CLCC1: variants seen among roughly 807,000 people sequenced by gnomAD.
The protein encoded by CLCC1 is chloride channel CLIC like 1, also known as chloride channel CLIC-like protein 1.
A neutral mutation model predicts 63.3 loss-of-function variants in CLCC1; 39 were observed. The observed-to-expected ratio is 0.62, with a 90% CI of 0.48 to 0.81. CLCC1 has a LOEUF of 0.81. CLCC1 is among the 30% of genes least tolerant of loss of function. CLCC1 has a pLI of 0.00. For synonymous variants in CLCC1, 217 were observed against 239.8 expected (o/e 0.90, Z 0.88); for missense variants, 549 against 669.4 (o/e 0.82, Z 1.98).
Position 108,949,828 on chromosome 1 carries a change from T to C in CLCC1, c.223A>G (p.Thr75Ala). The change falls in exon 4 of 13, where the codon ACT becomes GCT. Residue 75 changes from threonine (T) to alanine (A), a missense_variant. Physicochemically the swap from Thr to Ala is moderately conservative, Grantham distance 58 (BLOSUM62 0). Transcript: ENST00000369969. Reference sequence around the variant, plus strand: ...TCAATAAAAAAACTAACCTTATAAGTTAAAGAATCAAGTTTGTGATAACAT... The same window carrying C: ...TCAATAAAAAAACTAACCTTATAAGCTAAAGAATCAAGTTTGTGATAACAT... ...SECYHKLDSL[T>A]YKIDECEKKK... is the part of the protein sequence containing the mutation. 3 of 1,557,402 alleles carry C rather than the reference T, an allele frequency of 1.9e-6. No individual in the cohort carries two copies. The highest frequency in any genetic ancestry group is 2.6e-6 in the Non-Finnish European group (3 of 1,147,982).
At position 108,930,095 on chromosome 1, in the gene CLCC1, A is replaced by C; in HGVS notation, c.*2452T>G. The stretch of plus-strand genomic sequence containing the variant: ...CCTTCAGTAGTCTATTAAGGCATTA[A>C]TACTTCTCTGGACATGCGCGTTTGA... On this transcript the variant is annotated 3_prime_UTR_variant, in exon 13 of 13. Transcript: ENST00000369969. The C allele has an allele frequency of 1.4e-6, 1 of 717,268 alleles. No individual in the cohort carries two copies. The allele number at this position is 717,268 out of a possible 1,614,324, so 44.4% of individuals were successfully genotyped here.
At chr1:108,941,240 A>C (rs1353372287) in intron 8 of CLCC1, among the ~76,000 whole-genome samples, 165 bp downstream of exon 8, 1 of 152,242 alleles carries the variant, frequency 6.6e-6, no homozygotes, top group Admixed American at 6.5e-5. Context: ...TTAGATGAGC[A>C]TAAAAAGTCA....
At chr1:108,962,760 A>C (rs1204684545) in intron 1 of CLCC1, among the ~76,000 whole-genome samples, 1 of 151,500 alleles carries the variant, frequency 6.6e-6, no homozygotes, top group Non-Finnish European at 1.5e-5. Context: ...GGTCCCATCT[A>C]CTCAGGTGGC....
intron 11 of CLCC1, among the ~76,000 whole-genome samples, chr1:108,936,241 T>C (rs533431148): frequency 1.2e-3 from 183 of 152,224 alleles, no homozygotes; most frequent in Non-Finnish European, 2.1e-3. Flanking sequence ...TACAGGTGCA[T>C]ACCACATCAC....
intron 2 of CLCC1, among the ~76,000 whole-genome samples, chr1:108,958,061 T>C (rs1225893102): frequency 6.6e-6 from 1 of 151,352 alleles, no homozygotes; most frequent in Non-Finnish European, 1.5e-5. Context: ...ATATGTTGAA[T>C]GCCGCTAAGA....
chr1:108,931,536 A>T lies in CLCC1; in HGVS notation c.*1011T>A. 1 of 1,512,938 alleles carries T rather than the reference A, an allele frequency of 6.6e-7. No homozygotes were observed. The highest frequency in any genetic ancestry group is 8.9e-7 in the Non-Finnish European group (1 of 1,125,620). The allele number at this position is 1,512,938 out of a possible 1,614,324, so 93.7% of individuals were successfully genotyped here. ...CCCCTATTCTTTCAAAAAGTCATTCAGGTGATTTGGATGGGCAAATAGAAC... is the reference window on the plus strand; with the variant it reads ...CCCCTATTCTTTCAAAAAGTCATTCTGGTGATTTGGATGGGCAAATAGAAC... On this transcript the variant is annotated 3_prime_UTR_variant, in exon 13 of 13. Coordinates refer to ENST00000369969, the MANE Select transcript of CLCC1 (RefSeq NM_001377458.1).
chr1:108,929,651 G>A lies in CLCC1; in HGVS notation c.*2896C>T. ...TGACTGAGAGATTTAACATAGCTTG[G>A]TGCTTTCTTTCCCACAGTATGTCTT... On this transcript the variant is annotated 3_prime_UTR_variant, in exon 13 of 13. Transcript: ENST00000369969. The A allele has an allele frequency of 1.9e-6, 3 of 1,581,118 alleles. No homozygotes were observed. Among genetic ancestry groups the A allele is most frequent in the Non-Finnish European group, 2.6e-6 (3 of 1,150,484 alleles).
intron 7 of CLCC1, among the ~76,000 whole-genome samples, chr1:108,942,131 A>T (rs910103042): frequency 6.6e-6 from 1 of 152,102 alleles, no homozygotes; most frequent in Non-Finnish European, 1.5e-5. Flanking sequence ...AGTCCCAGAT[A>T]GGAGGCTGAG....
chr1:108,941,524 G>C (rs370900321), intron 7 of CLCC1, 26 bp from the exon 8 acceptor site: 1 of 1,602,010 alleles, frequency 6.2e-7, no homozygotes, highest in Non-Finnish European at 8.5e-7. Context: ...AGGGAACCAG[G>C]AGAGGCCGTT....
intron 5 of CLCC1, among the ~76,000 whole-genome samples, chr1:108,947,157 C>G (rs543574134): frequency 6.6e-6 from 1 of 151,696 alleles, no homozygotes; most frequent in East Asian, 1.9e-4. Flanking sequence ...GAGCGAGACT[C>G]TGTCTCAAAA....
intron 2 of CLCC1, among the ~76,000 whole-genome samples, chr1:108,957,175 C>A (rs1054144618): frequency 1.3e-5 from 2 of 151,472 alleles, no homozygotes; most frequent in Admixed American, 6.6e-5. Flanking sequence ...TGTAGGTAGA[C>A]CCTACTACAT....
intron 2 of CLCC1, among the ~76,000 whole-genome samples, 196 bp from the exon 3 acceptor site, chr1:108,950,644 G>T (rs1055721507): frequency 6.6e-6 from 1 of 151,750 alleles, no homozygotes; most frequent in African/African-American, 2.4e-5. Context: ...GGCTAGCTGG[G>T]ACTACAGGTG....
rs2101684442 is a variant in CLCC1, at chr1:108,950,346, T to C, written c.92A>G (p.Asn31Ser). The change falls in exon 3 of 13, where the codon AAC becomes AGC. Residue 31 changes from asparagine to serine, a missense_variant. Physicochemically the swap from Asn to Ser is conservative, Grantham distance 46 (BLOSUM62 1). Transcript: ENST00000369969. ...CATTGTTCCTGAAGCAGCATCATAG[T>C]TAAGCATGTCTGTGGGGTCAATCCA... ...DDWIDPTDMLNYDAASGTMRK... is the reference protein window; with the variant it reads ...DDWIDPTDMLSYDAASGTMRK... 1 of 1,613,362 alleles carries C rather than the reference T, an allele frequency of 6.2e-7. No individual in the cohort carries two copies. The highest frequency in any genetic ancestry group is 2.2e-5 in the East Asian group (1 of 44,846).
At chr1:108,942,447 TATA>T (rs1047707365) in intron 7 of CLCC1, among the ~76,000 whole-genome samples, 3 of 152,230 alleles carry the variant, frequency 2.0e-5, no homozygotes, top group South Asian at 2.1e-4. Flanking sequence ...TTCTAAATAC[TATA>T]ATACTTACAG....
Position 108,950,345 on chromosome 1 carries a change from G to A in CLCC1, c.93C>T (p.Asn31=). The change falls in exon 3 of 13, where the codon AAC becomes AAT. Residue 31 remains asparagine, a synonymous_variant. Coordinates refer to ENST00000369969, the MANE Select transcript of CLCC1 (RefSeq NM_001377458.1). The part of the protein sequence containing the change: ...DDWIDPTDML[N]YDAASGTMRK... ...TCATTGTTCCTGAAGCAGCATCATA[G>A]TTAAGCATGTCTGTGGGGTCAATCC... 6.2e-7 allele frequency: 1 copy of A among 1,613,180 alleles called. No individual in the cohort carries two copies. The highest frequency in any genetic ancestry group is 8.5e-7 in the Non-Finnish European group (1 of 1,179,572).
At chr1:108,942,661 A>G (rs1653993490) in intron 7 of CLCC1, among the ~76,000 whole-genome samples, 1 of 152,216 alleles carries the variant, frequency 6.6e-6, no homozygotes. Flanking sequence ...TAAAATCTAG[A>G]AAAATCTAGA....
intron 5 of CLCC1, 58 bp downstream of exon 5, chr1:108,947,553 A>C: frequency 1.0e-6 from 1 of 995,536 alleles, no homozygotes; most frequent in Non-Finnish European, 1.5e-6. Flanking sequence ...ATATTATTTG[A>C]AATTAATAAA....
Position 108,947,613 on chromosome 1 carries a change from G to T in CLCC1, c.337C>A (p.Leu113Ile). 1 of 1,589,656 alleles carries T rather than the reference G, an allele frequency of 6.3e-7. No individual in the cohort carries two copies. The highest frequency in any genetic ancestry group is 8.6e-7 in the Non-Finnish European group (1 of 1,160,796). ...KILIEAGKLGLPDENKGDMHY... is the reference protein window; with the variant it reads ...KILIEAGKLGIPDENKGDMHY... ...GTATCACACCATCAAATACTCACAA[G>T]TCCAAGCTTTCCAGCTTCAATTAAA... is the stretch of plus-strand genomic sequence containing the variant. The change falls in exon 5 of 13, where the codon CTT (leucine) becomes ATT (isoleucine). Residue 113 changes from leucine to isoleucine, a missense_variant and splice_region_variant. By Grantham distance (5) the Leu-to-Ile change is conservative (BLOSUM62 2). Transcript: ENST00000369969.
At chr1:108,939,996 A>G in intron 9 of CLCC1, 49 bp downstream of exon 9, 1 of 1,440,104 alleles carries the variant, frequency 6.9e-7, no homozygotes, top group Non-Finnish European at 9.6e-7. Context: ...TTAAAATACA[A>G]GGGATTTCTG....
Sources: allele counts gnomAD v4.1 joint callset (sites outside exome capture counted in the v4.1 genomes callset), GRCh38; gene constraint gnomAD v4.1.1; transcripts MANE v1.5; gene names NCBI Gene and HGNC (gene_info 2026-07-23, HGNC 2026-07-21).